SUGCT: variants seen among roughly 807,000 people sequenced by gnomAD.
SUGCT encodes the protein succinyl-CoA:glutarate CoA-transferase.
In SUGCT, 41 loss-of-function variants were observed where a neutral mutation model predicts 55.0. The observed-to-expected ratio is 0.74, with a 90% CI of 0.58 to 0.97. The LOEUF (loss-of-function observed/expected upper bound fraction) is 0.97, where lower values mean the gene tolerates loss of function less well. Ranked by LOEUF, SUGCT falls within the 50% of genes least tolerant of loss-of-function variation. The pLI, the probability that SUGCT is intolerant of heterozygous loss-of-function variation, is 0.00. For missense variants in SUGCT, 568 were observed against 547.8 expected, an observed-to-expected ratio of 1.04 and a Z score of -0.37; for synonymous variants, 187 against 200.4, an observed-to-expected ratio of 0.93 and a Z score of 0.56.
At chr7:40,524,339 C>T (rs746083310) in intron 12 of SUGCT, among the ~76,000 whole-genome samples, 1 of 152,078 alleles carries the variant, frequency 6.6e-6, no homozygotes, top group Non-Finnish European at 1.5e-5. Flanking sequence ...TGCCATATAT[C>T]TGATGTCTTT....
chr7:40,140,061 C>G (rs549923932), intron 1 of SUGCT, among the ~76,000 whole-genome samples: 15 of 152,034 alleles, frequency 9.9e-5, no homozygotes, highest in Non-Finnish European at 2.1e-4. Flanking sequence ...CGCCACCATG[C>G]CCCGCGAATT....
chr7:40,470,206 G>A (rs1049078303), intron 11 of SUGCT, among the ~76,000 whole-genome samples: 6 of 151,916 alleles, frequency 3.9e-5, no homozygotes, highest in Admixed American at 1.3e-4. Flanking sequence ...TTTGCTCCTC[G>A]GACTCCCTGA....
chr7:40,366,783 G>A (rs1415525206), intron 9 of SUGCT, among the ~76,000 whole-genome samples: 6 of 152,048 alleles, frequency 3.9e-5, no homozygotes, highest in South Asian at 4.1e-4. Context: ...TGGAGAGGAT[G>A]TGGAGAAATA....
At chr7:40,193,934 A>G (rs1223899032) in intron 5 of SUGCT, among the ~76,000 whole-genome samples, 4 of 152,106 alleles carry the variant, frequency 2.6e-5, no homozygotes, top group African/African-American at 9.7e-5. Context: ...TGTAGTCACA[A>G]TTGAAATTTT....
chr7:40,765,551 A>T (rs183609969), intron 13 of SUGCT, among the ~76,000 whole-genome samples: 412 of 152,272 alleles, frequency 2.7e-3, no homozygotes, highest in African/African-American at 9.0e-3. Context: ...AAAGTCATCT[A>T]CTTTAACGAT....
chr7:40,167,276 T>C (rs1784467474), intron 1 of SUGCT, among the ~76,000 whole-genome samples: 1 of 152,224 alleles, frequency 6.6e-6, no homozygotes, highest in Admixed American at 6.5e-5. Context: ...CATACTGTTT[T>C]TCATTTATAT....
rs1273953188 is a variant in SUGCT at position 40,274,378 on chromosome 7, A to G, written c.577-135A>G. The G allele has an allele frequency of 4.8e-6, 4 of 833,564 alleles. No individual in the cohort carries two copies. The South Asian group carries it at 9.4e-5, about 20-fold the overall frequency. The allele number at this position is 833,564 out of a possible 1,614,324, so 51.6% of individuals were successfully genotyped here. On this transcript the variant is annotated intron_variant, in intron 7 of 13. Transcript: ENST00000335693. Reference sequence around the variant, plus strand: ...ATTCACAATAGCAATTTATTTTATTAACTTTCTTGTGTGTATGTGTCTGCA... The same window carrying G: ...ATTCACAATAGCAATTTATTTTATTGACTTTCTTGTGTGTATGTGTCTGCA...
intron 1 of SUGCT, among the ~76,000 whole-genome samples, chr7:40,180,148 G>A (rs1475302312): frequency 4.6e-5 from 7 of 150,700 alleles, no homozygotes; most frequent in Non-Finnish European, 1.0e-4. Flanking sequence ...TTTTTGAGAC[G>A]GTGTCTTGCT....
At chr7:40,469,421 C>T (rs1430866642) in intron 11 of SUGCT, among the ~76,000 whole-genome samples, 2 of 152,120 alleles carry the variant, frequency 1.3e-5, no homozygotes, top group African/African-American at 2.4e-5. Flanking sequence ...ATAGATGGTC[C>T]CTTGTAAAAT....
At chr7:41,038,644 C>T in the SUGCT span, among the ~76,000 whole-genome samples, 1 of 152,138 alleles carries the variant, frequency 6.6e-6, no homozygotes, top group African/African-American at 2.4e-5. Flanking sequence ...TTTAGAAACC[C>T]AGTTTGAACT....
At chr7:40,755,025 G>A in intron 13 of SUGCT, among the ~76,000 whole-genome samples, 1 of 152,168 alleles carries the variant, frequency 6.6e-6, no homozygotes, top group Admixed American at 6.5e-5. Context: ...GCACCCTGGA[G>A]GAGCAGAGAA....
the SUGCT span, among the ~76,000 whole-genome samples, chr7:40,887,569 T>C: frequency 4.6e-5 from 7 of 152,190 alleles, no homozygotes; most frequent in African/African-American, 7.2e-5. Flanking sequence ...AGTGGTAGTA[T>C]TGACTGAGAC....
chr7:40,363,363 TG>T (rs1157470088), intron 9 of SUGCT, among the ~76,000 whole-genome samples: 2 of 152,220 alleles, frequency 1.3e-5, no homozygotes, highest in African/African-American at 4.8e-5. Context: ...AGCTTTTGAA[TG>T]TGTTTGCTCT....
chr7:40,932,258 T>G, the SUGCT span, among the ~76,000 whole-genome samples: 1 of 152,170 alleles, frequency 6.6e-6, no homozygotes, highest in Non-Finnish European at 1.5e-5. Flanking sequence ...TAATCCTGAG[T>G]TCTAATTTGA....
chr7:40,852,850 T>G (rs1793924243), intron 13 of SUGCT, among the ~76,000 whole-genome samples: 1 of 152,128 alleles, frequency 6.6e-6, no homozygotes, highest in Non-Finnish European at 1.5e-5. Context: ...TTTTAGCAAA[T>G]TTTAGCAATT....
At chr7:40,458,595 G>T (rs1031885830) in intron 10 of SUGCT, among the ~76,000 whole-genome samples, 1 of 152,152 alleles carries the variant, frequency 6.6e-6, no homozygotes, top group African/African-American at 2.4e-5. Context: ...AGAACATTCT[G>T]CATAGGACAA....
At chr7:40,252,212 C>T (rs1430429497) in intron 7 of SUGCT, among the ~76,000 whole-genome samples, 5 of 152,124 alleles carry the variant, frequency 3.3e-5, no homozygotes, top group Non-Finnish European at 7.4e-5. Flanking sequence ...ACTGCAGCGT[C>T]GAGCTCCTGA....
chr7:40,907,136 TGTGTGAGAGAGA>T, the SUGCT span, among the ~76,000 whole-genome samples: 8 of 89,704 alleles, frequency 8.9e-5, no homozygotes, highest in South Asian at 1.1e-3. Flanking sequence ...TGTGTGTGTG[TGTGTGAGAGAGA>T]GAGAGAGAGA....
At chr7:40,900,039 C>T in the SUGCT span, among the ~76,000 whole-genome samples, 5,570 of 152,262 alleles carry the variant, frequency 0.037, 207 homozygotes, top group Admixed American at 0.12. Flanking sequence ...ACAAGGACCC[C>T]CACCTCCTTC....
Sources: gnomAD v4.1 joint callset for allele counts (sites outside exome capture counted in the v4.1 genomes callset) on GRCh38, gnomAD v4.1.1 for gene constraint, MANE v1.5 for transcripts, NCBI Gene and HGNC (gene_info 2026-07-23, HGNC 2026-07-21) for gene names.